The following FAM24B variants were observed in gnomAD, a reference collection of about 807,000 sequenced individuals.
FAM24B encodes family with sequence similarity 24 member B, also known as protein FAM24B.
A neutral mutation model predicts 2.3 loss-of-function variants in FAM24B; 3 were observed. The ratio of observed to expected loss-of-function variants is 1.29; its 90% confidence interval spans 0.59 to 3.32. The LOEUF is 3.32. Ranked by LOEUF, FAM24B falls within the 30% of genes most tolerant of loss-of-function variation. The probability of loss-of-function intolerance (pLI) is 0.03; values close to 1 mark genes in which losing one functional copy is unlikely to be tolerated. For missense variants in FAM24B, 98 were observed against 117.2 expected, an observed-to-expected ratio of 0.84 and a Z score of 0.76; for synonymous variants, 36 against 46.3, an observed-to-expected ratio of 0.78 and a Z score of 0.90.
chr10:122,868,123 G>T (rs1589674999), intron 1 of FAM24B, among the ~76,000 whole-genome samples: 1 of 152,192 alleles, frequency 6.6e-6, no homozygotes, highest in African/African-American at 2.4e-5. Flanking sequence ...GAAAACCATG[G>T]CACGAGAACT....
At chr10:122,874,855 G>A (rs568546016) in intron 1 of FAM24B, among the ~76,000 whole-genome samples, 19 of 152,268 alleles carry the variant, frequency 1.2e-4, no homozygotes, top group African/African-American at 2.9e-4. Flanking sequence ...CATTGTTAGC[G>A]TTACTGCATT....
At chr10:122,871,725 G>A (rs910600425) in intron 1 of FAM24B, among the ~76,000 whole-genome samples, 1 of 152,078 alleles carries the variant, frequency 6.6e-6, no homozygotes, top group Non-Finnish European at 1.5e-5. Flanking sequence ...GGGAAAACTG[G>A]CTAGCCATAT....
chr10:122,859,362 T>C (rs1847691990), intron 1 of FAM24B, among the ~76,000 whole-genome samples: 1 of 152,200 alleles, frequency 6.6e-6, no homozygotes, highest in South Asian at 2.1e-4. Context: ...GAAAGCTTTA[T>C]ACCTTATCAG....
intron 1 of FAM24B, among the ~76,000 whole-genome samples, chr10:122,857,461 G>A (rs1935737427): frequency 6.6e-6 from 1 of 152,270 alleles, no homozygotes; most frequent in African/African-American, 2.4e-5. Flanking sequence ...ATTCTTTCTT[G>A]CTATTACATA....
At chr10:122,870,354 G>A (rs1423665661) in intron 1 of FAM24B, among the ~76,000 whole-genome samples, 1 of 152,134 alleles carries the variant, frequency 6.6e-6, no homozygotes, top group Non-Finnish European at 1.5e-5. Context: ...TTCTACCAGA[G>A]GTACAAGGAG....
rs1003069777 is a variant in FAM24B at position 122,871,653 on chromosome 10, C to G, written c.-178+7832G>C. On this transcript the variant is annotated intron_variant, in intron 1 of 3. Transcript: ENST00000368898. Reference sequence around the variant, plus strand: ...TGCCGCGTATCTACAACTATCTGATCTTTGACAAACCTGACAAAAAGAAGA... The same window carrying G: ...TGCCGCGTATCTACAACTATCTGATGTTTGACAAACCTGACAAAAAGAAGA... 6.3e-4 allele frequency among the ~76,000 whole-genome samples: 96 copies of G among 152,278 alleles called. 1 individual carries two copies. Among genetic ancestry groups the G allele is most frequent in the Admixed American group, 3.5e-3 (54 of 15,302 alleles).
intron 1 of FAM24B, among the ~76,000 whole-genome samples, chr10:122,871,050 T>C (rs1318007844): frequency 1.3e-5 from 2 of 152,072 alleles, no homozygotes; most frequent in South Asian, 2.1e-4. Flanking sequence ...TCGTCTCAGC[T>C]CAAAATCTCC....
chr10:122,854,300 CCT>C (rs1847598218), intron 2 of FAM24B, among the ~76,000 whole-genome samples: 1 of 152,186 alleles, frequency 6.6e-6, no homozygotes, highest in Non-Finnish European at 1.5e-5. Context: ...ACAACTAAAA[CCT>C]CTGTTTGAAA....
intron 1 of FAM24B, among the ~76,000 whole-genome samples, chr10:122,873,998 T>A (rs146105366): frequency 1.3e-5 from 2 of 152,370 alleles, no homozygotes; most frequent in East Asian, 3.9e-4. Context: ...ATAATTTCTA[T>A]TCTTTTACAT....
chr10:122,853,099 T>G (rs1270133970), intron 2 of FAM24B, among the ~76,000 whole-genome samples: 1 of 152,196 alleles, frequency 6.6e-6, no homozygotes, highest in Non-Finnish European at 1.5e-5. Flanking sequence ...CCTTCTTCTC[T>G]CCACCTATTC....
At chr10:122,877,611 C>A (rs1256779547) in intron 1 of FAM24B, among the ~76,000 whole-genome samples, 2 of 152,162 alleles carry the variant, frequency 1.3e-5, no homozygotes, top group East Asian at 1.9e-4. Flanking sequence ...TGCACCTTAG[C>A]AGGACCCAGG....
chr10:122,865,768 G>A (rs1413712789), intron 1 of FAM24B, among the ~76,000 whole-genome samples: 1 of 151,676 alleles, frequency 6.6e-6, no homozygotes, highest in Non-Finnish European at 1.5e-5. Context: ...TTTTGGAAGA[G>A]TAATTATTAA....
chr10:122,873,765 C>T (rs570307124), intron 1 of FAM24B, among the ~76,000 whole-genome samples: 25 of 152,252 alleles, frequency 1.6e-4, no homozygotes, highest in African/African-American at 3.9e-4. Context: ...CAGTACTCTC[C>T]GTTTCCCTGT....
chr10:122,869,614 C>T (rs1164689800), intron 1 of FAM24B, among the ~76,000 whole-genome samples: 4 of 152,074 alleles, frequency 2.6e-5, no homozygotes, highest in African/African-American at 9.7e-5. Context: ...CAAACTAGAA[C>T]TCAGGATTAA....
At chr10:122,867,946 A>C (rs1416622914) in intron 1 of FAM24B, among the ~76,000 whole-genome samples, 1 of 152,236 alleles carries the variant, frequency 6.6e-6, no homozygotes, top group Non-Finnish European at 1.5e-5. Flanking sequence ...ATGGAGAATG[A>C]CTTTGACGAG....
At chr10:122,870,621 G>C (rs1225926462) in intron 1 of FAM24B, among the ~76,000 whole-genome samples, 3 of 152,158 alleles carry the variant, frequency 2.0e-5, no homozygotes, top group Admixed American at 1.3e-4. Context: ...GGGATGCAAG[G>C]CTGGTTCAAC....
At chr10:122,872,090 CAAGAA>C (rs1360368923) in intron 1 of FAM24B, among the ~76,000 whole-genome samples, 1 of 151,934 alleles carries the variant, frequency 6.6e-6, no homozygotes, top group African/African-American at 2.4e-5. Flanking sequence ...AACAAATTTA[CAAGAA>C]AAAAACAACC....
intron 1 of FAM24B, among the ~76,000 whole-genome samples, chr10:122,857,971 ATG>A (rs1566252475): frequency 6.6e-6 from 1 of 152,214 alleles, no homozygotes; most frequent in Non-Finnish European, 1.5e-5. Flanking sequence ...GACGATTCAC[ATG>A]TGGTGACTAC....
At chr10:122,877,869 T>C (rs1037034226) in intron 1 of FAM24B, among the ~76,000 whole-genome samples, 2 of 152,124 alleles carry the variant, frequency 1.3e-5, no homozygotes, top group African/African-American at 4.8e-5. Context: ...TGTGATAGAG[T>C]TCCCAAACAA....
Sources: allele counts gnomAD v4.1 joint callset (sites outside exome capture counted in the v4.1 genomes callset), GRCh38; gene constraint gnomAD v4.1.1; transcripts MANE v1.5; gene names NCBI Gene and HGNC (gene_info 2026-07-23, HGNC 2026-07-21).